Variants in TBC1D15 observed in about 807,000 individuals in gnomAD.
TBC1D15 encodes the protein TBC1 domain family member 15.
A neutral mutation model predicts 95.4 loss-of-function variants in TBC1D15; 39 were observed. The ratio of observed to expected loss-of-function variants is 0.41; its 90% confidence interval spans 0.32 to 0.53. The LOEUF (loss-of-function observed/expected upper bound fraction) is 0.53, where lower values mean the gene tolerates loss of function less well. Ranked by LOEUF, TBC1D15 falls within the 20% of genes least tolerant of loss-of-function variation. TBC1D15 has a pLI of 0.29. For missense variants in TBC1D15, 733 were observed against 794.3 expected (o/e 0.92, Z 0.93); for synonymous variants, 258 against 261.3 (o/e 0.99, Z 0.12).
At chr12:71,872,007 T>G in intron 1 of TBC1D15, 63 bp from the exon 2 acceptor site, 1 of 671,866 alleles carries the variant, frequency 1.5e-6, no homozygotes, top group South Asian at 3.9e-5. Flanking sequence ...ATCTTAATAT[T>G]TTAACATGTT....
chr12:71,896,720 T>G lies in TBC1D15; in HGVS notation c.1028T>G (p.Leu343Arg). Residue 343 changes from leucine (L) to arginine (R), a missense_variant, in exon 9 of 17, where the codon CTG becomes CGG. Leu to Arg is a moderately radical substitution (Grantham distance 102). Transcript: ENST00000485960. ...ALRKQAWKFLLGYFPWDSTKE... is the reference protein window; with the variant it reads ...ALRKQAWKFLRGYFPWDSTKE... ...AGAAAGCAAGCATGGAAATTTCTTCTGGGTTATTTTCCCTGGGACAGTACC... is the reference window on the plus strand; with the variant it reads ...AGAAAGCAAGCATGGAAATTTCTTCGGGGTTATTTTCCCTGGGACAGTACC... 6.2e-7 allele frequency: 1 copy of G among 1,613,162 alleles called. No homozygotes were observed. The highest frequency in any genetic ancestry group is 8.5e-7 in the Non-Finnish European group (1 of 1,179,410).
At chr12:71,857,581 A>G (rs564510150) in intron 1 of TBC1D15, among the ~76,000 whole-genome samples, 1 of 152,214 alleles carries the variant, frequency 6.6e-6, no homozygotes, top group South Asian at 2.1e-4. Context: ...TTTTATTTTT[A>G]ATTGGCACAT....
At chr12:71,870,915 C>G (rs984074551) in intron 1 of TBC1D15, among the ~76,000 whole-genome samples, 3 of 152,232 alleles carry the variant, frequency 2.0e-5, no homozygotes, top group East Asian at 1.9e-4. Flanking sequence ...TCTGATAGTG[C>G]TTGTCTTGCA....
At chr12:71,839,955 C>G (rs890974762) in intron 1 of TBC1D15, 144 bp downstream of exon 1, 68 of 1,049,566 alleles carry the variant, frequency 6.5e-5, no homozygotes, top group Non-Finnish European at 9.5e-5. Context: ...CTGGGTGGTA[C>G]CAGCTGGTTT....
intron 7 of TBC1D15, 83 bp downstream of exon 7, chr12:71,894,966 A>G (rs908988558): frequency 7.6e-7 from 1 of 1,313,372 alleles, no homozygotes; most frequent in Non-Finnish European, 1.0e-6. Flanking sequence ...AATTTTGGTG[A>G]TATCTGCTTC....
intron 2 of TBC1D15, 150 bp from the exon 3 acceptor site, chr12:71,872,779 T>G: frequency 1.9e-6 from 1 of 517,764 alleles, no homozygotes; most frequent in Non-Finnish European, 3.3e-6. Context: ...TTGAAAAATC[T>G]ATGTAACATT....
At chr12:71,872,545 G>A (rs1346673138) in intron 2 of TBC1D15, among the ~76,000 whole-genome samples, 2 of 152,100 alleles carry the variant, frequency 1.3e-5, no homozygotes, top group African/African-American at 4.8e-5. Flanking sequence ...GTAATGAATT[G>A]AATACTGTGC....
At chr12:71,901,715 C>T (rs1255929216) in intron 10 of TBC1D15, among the ~76,000 whole-genome samples, 3 of 152,068 alleles carry the variant, frequency 2.0e-5, no homozygotes, top group Non-Finnish European at 4.4e-5. Flanking sequence ...CAAGGATACC[C>T]ACTCTGACAC....
At chr12:71,908,711 TA>T (rs777148221) in intron 11 of TBC1D15, among the ~76,000 whole-genome samples, 12 of 152,168 alleles carry the variant, frequency 7.9e-5, no homozygotes, top group Non-Finnish European at 1.8e-4. Context: ...GCAAGAATAT[TA>T]ATAGAGTGCT....
intron 5 of TBC1D15, among the ~76,000 whole-genome samples, chr12:71,889,248 A>C (rs932534430): frequency 6.6e-6 from 1 of 152,134 alleles, no homozygotes; most frequent in African/African-American, 2.4e-5. Context: ...CTTCTTGGGG[A>C]AGGAGATAGT....
intron 1 of TBC1D15, among the ~76,000 whole-genome samples, chr12:71,862,343 T>C (rs1404798414): frequency 6.6e-6 from 1 of 152,344 alleles, no homozygotes; most frequent in East Asian, 1.9e-4. Context: ...TTTTGCTTTA[T>C]GTATCTGGGT....
chr12:71,921,355 T>G lies in TBC1D15; in HGVS notation c.1717-13T>G. 3.4e-6 allele frequency: 5 copies of G among 1,489,684 alleles called. No individual in the cohort carries two copies. The highest frequency in any genetic ancestry group is 4.6e-6 in the Non-Finnish European group (5 of 1,094,802). 92.3% of individuals were successfully genotyped at this position (1,489,684 alleles called of 1,614,324 possible). A position where few individuals can be genotyped will look rare whatever the true frequency, so the allele number is the denominator to read the frequency against. On this transcript the variant is annotated splice_polypyrimidine_tract_variant and intron_variant, in intron 15 of 16. Transcript: ENST00000485960. ...CAGTTTCGATATCATTTTATTTTGT[T>G]GATACTTTTTAGCATATCAATGAAT...
At chr12:71,890,437 C>CT (rs141301119) in intron 5 of TBC1D15, among the ~76,000 whole-genome samples, 5,950 of 151,726 alleles carry the variant, frequency 0.039, 224 homozygotes, top group Non-Finnish European at 0.059. Context: ...GATCAGATAA[C>CT]TTTTTTTTTA....
intron 3 of TBC1D15, among the ~76,000 whole-genome samples, chr12:71,877,569 TTTTC>T (rs1338390621): frequency 4.7e-5 from 7 of 148,590 alleles, no homozygotes; most frequent in African/African-American, 1.5e-4. Context: ...CCTTTCTTCT[TTTTC>T]TTTCTTTCGT....
intron 5 of TBC1D15, 87 bp from the exon 6 acceptor site, chr12:71,893,133 TTG>T: frequency 6.1e-6 from 4 of 659,564 alleles, no homozygotes; most frequent in South Asian, 5.7e-5. Context: ...TTTTTTTTTT[TTG>T]GTAAGGAACA....
chr12:71,873,082 A>G (rs1893035280), intron 3 of TBC1D15, 79 bp downstream of exon 3: 7 of 952,518 alleles, frequency 7.3e-6, no homozygotes, highest in Non-Finnish European at 1.1e-5. Context: ...TTCACATACC[A>G]TAAAATGCAT....
chr12:71,909,122 T>C (rs1029459346), intron 11 of TBC1D15, among the ~76,000 whole-genome samples: 6 of 152,364 alleles, frequency 3.9e-5, no homozygotes, highest in African/African-American at 1.4e-4. Flanking sequence ...ACTGGATAAC[T>C]TACCATCTCC....
chr12:71,867,087 T>C (rs1468930396), intron 1 of TBC1D15, among the ~76,000 whole-genome samples: 1 of 152,254 alleles, frequency 6.6e-6, no homozygotes, highest in Non-Finnish European at 1.5e-5. Context: ...AGGGTTAAGC[T>C]TCTTGTGTAG....
At chr12:71,846,624 A>AT (rs887356573) in intron 1 of TBC1D15, among the ~76,000 whole-genome samples, 8 of 151,416 alleles carry the variant, frequency 5.3e-5, no homozygotes, top group Non-Finnish European at 1.0e-4. Flanking sequence ...ATGATTGTTA[A>AT]TTTTTTTTTG....
Sources: allele counts gnomAD v4.1 joint callset (sites outside exome capture counted in the v4.1 genomes callset), GRCh38; gene constraint gnomAD v4.1.1; transcripts MANE v1.5; gene names NCBI Gene and HGNC (gene_info 2026-07-23, HGNC 2026-07-21).